The following CRCP variants were observed in gnomAD, a reference collection of about 807,000 sequenced individuals.
CRCP encodes the protein DNA-directed RNA polymerase III subunit RPC9.
A neutral mutation model predicts 18.5 loss-of-function variants in CRCP; 18 were observed. That is an observed-to-expected ratio of 0.97 (90% CI 0.67 to 1.44). The LOEUF is 1.44. Ranked by LOEUF, CRCP falls within the 40% of genes most tolerant of loss-of-function variation. CRCP has a pLI of 0.00. For missense variants in CRCP, 130 were observed against 176.4 expected (o/e 0.74, Z 1.49); for synonymous variants, 53 against 62.9 (o/e 0.84, Z 0.75).
chr7:66,135,146 G>A (rs1787933138), intron 4 of CRCP, among the ~76,000 whole-genome samples: 1 of 152,114 alleles, frequency 6.6e-6, no homozygotes, highest in South Asian at 2.1e-4. Context: ...CTGAGTATCA[G>A]GGCCACTTGG....
intron 3 of CRCP, among the ~76,000 whole-genome samples, chr7:66,133,081 G>T (rs1399040451): frequency 6.6e-6 from 1 of 152,108 alleles, no homozygotes; most frequent in East Asian, 1.9e-4. Flanking sequence ...TTTTGTGGGA[G>T]ATGCTTTGCG....
At chr7:66,137,087 T>A (rs2115976311) in intron 4 of CRCP, among the ~76,000 whole-genome samples, 1 of 151,552 alleles carries the variant, frequency 6.6e-6, no homozygotes, top group South Asian at 2.1e-4. Flanking sequence ...CAAAAAAAAA[T>A]TTAATAATAA....
chr7:66,139,267 C>T lies in CRCP; in HGVS notation c.239+4893C>T, dbSNP rs188101274. Among the ~76,000 whole-genome samples the T allele has an allele frequency of 4.0e-3, 614 of 152,282 alleles. 3 individuals carry two copies. Among genetic ancestry groups the T allele is most frequent in the African/African-American group, 0.014 (575 of 41,544 alleles). ...ATGCACAGATTGTTCTGGCATCTTC[C>T]GTTATCAAGCCTACCAGTGAATTTT... On this transcript the variant is annotated intron_variant, in intron 4 of 5. Coordinates refer to ENST00000395326, the MANE Select transcript of CRCP (RefSeq NM_014478.5).
At chr7:66,124,548 C>T (rs1455479120) in intron 1 of CRCP, among the ~76,000 whole-genome samples, 2 of 144,450 alleles carry the variant, frequency 1.4e-5, no homozygotes, top group Non-Finnish European at 3.0e-5. Flanking sequence ...TCCTTCCTTC[C>T]TTTCTTTCTT....
chr7:66,124,250 C>T (rs1399920779), intron 1 of CRCP, among the ~76,000 whole-genome samples: 1 of 150,226 alleles, frequency 6.7e-6, no homozygotes. Flanking sequence ...GTCCCAGCTG[C>T]TTGGGAGGCT....
At chr7:66,136,896 G>A (rs1422130188) in intron 4 of CRCP, among the ~76,000 whole-genome samples, 2 of 151,552 alleles carry the variant, frequency 1.3e-5, no homozygotes, top group Non-Finnish European at 1.5e-5. Context: ...TGGCCAACAT[G>A]GTGAAACCCC....
chr7:66,137,445 T>C (rs950726896), intron 4 of CRCP, among the ~76,000 whole-genome samples: 7 of 152,234 alleles, frequency 4.6e-5, no homozygotes, highest in Admixed American at 4.6e-4. Context: ...TTCCTTCTTT[T>C]TCTTATTTCA....
rs35791421 is a variant in CRCP, at chr7:66,139,146, G to A, written c.239+4772G>A. The stretch of plus-strand genomic sequence containing the variant: ...TGTCTCTTTTTTTAGTAGAGATAAG[G>A]TTTCACTCTGTTGCCCAAGCTGAAG... On this transcript the variant is annotated intron_variant, in intron 4 of 5. Transcript: ENST00000395326. Among the ~76,000 whole-genome samples, 466 of 152,082 alleles carry A rather than the reference G, an allele frequency of 3.1e-3. 2 individuals carry two copies. Among genetic ancestry groups the A allele is most frequent in the Admixed American group, 6.4e-3 (98 of 15,246 alleles).
At chr7:66,149,018 G>T (rs1490523614) in intron 5 of CRCP, among the ~76,000 whole-genome samples, 1 of 152,208 alleles carries the variant, frequency 6.6e-6, no homozygotes, top group African/African-American at 2.4e-5. Flanking sequence ...ACTTCAAGTT[G>T]CCATTTTTGG....
intron 1 of CRCP, among the ~76,000 whole-genome samples, chr7:66,116,638 G>A (rs946370596): frequency 2.0e-5 from 3 of 152,054 alleles, no homozygotes; most frequent in African/African-American, 7.2e-5. Flanking sequence ...AGCATTTCCT[G>A]TGAGCATACA....
intron 4 of CRCP, 58 bp from the exon 5 acceptor site, chr7:66,145,385 G>C: frequency 1.3e-6 from 2 of 1,563,688 alleles, no homozygotes; most frequent in Non-Finnish European, 1.8e-6. Context: ...GTGCAGCTCA[G>C]TCAGGACTCA....
At chr7:66,147,325 T>G (rs1788327143) in intron 5 of CRCP, among the ~76,000 whole-genome samples, 3 of 135,254 alleles carry the variant, frequency 2.2e-5, no homozygotes, top group African/African-American at 2.9e-5. Flanking sequence ...GGTGACAGAG[T>G]GAGACTCCAT....
intron 4 of CRCP, among the ~76,000 whole-genome samples, chr7:66,143,143 C>T (rs1342915040): frequency 3.9e-5 from 6 of 152,292 alleles, no homozygotes; most frequent in East Asian, 3.9e-4. Context: ...CTGAGGGTGA[C>T]GGGAAGTGTT....
chr7:66,134,150 G>A (rs767499095), intron 3 of CRCP, 130 bp from the exon 4 acceptor site: 22 of 698,470 alleles, frequency 3.1e-5, no homozygotes, highest in Admixed American at 5.3e-5. Context: ...GTGAGCCACC[G>A]TGCCCAGCCT....
chr7:66,139,139 A>G (rs1788060906), intron 4 of CRCP, among the ~76,000 whole-genome samples: 1 of 151,828 alleles, frequency 6.6e-6, no homozygotes. Flanking sequence ...TTTTTAGTAG[A>G]GATAAGGTTT....
At chr7:66,116,022 C>T (rs901384551) in intron 1 of CRCP, among the ~76,000 whole-genome samples, 4 of 152,156 alleles carry the variant, frequency 2.6e-5, no homozygotes, top group African/African-American at 9.7e-5. Context: ...TGGTCTCCAG[C>T]TCCTGAGCTC....
chr7:66,152,524 T>G lies in CRCP; in HGVS notation c.*167T>G. The G allele has an allele frequency of 1.4e-6, 1 of 726,680 alleles. No individual in the cohort carries two copies. The highest frequency in any genetic ancestry group is 2.2e-6 in the Non-Finnish European group (1 of 457,876). The allele number at this position is 726,680 out of a possible 1,614,324, so 45.0% of individuals were successfully genotyped here. A position where few individuals can be genotyped will look rare whatever the true frequency, so the allele number is the denominator to read the frequency against. On this transcript the variant is annotated 3_prime_UTR_variant, in exon 6 of 6. Coordinates refer to ENST00000395326, the MANE Select transcript of CRCP (RefSeq NM_014478.5). ...AAGTTAAAAAGAAATATTTGTGCCT[T>G]GGGGAGAAGAAACATGGTGAAAACA...
intron 4 of CRCP, among the ~76,000 whole-genome samples, chr7:66,138,752 C>T (rs1333638096): frequency 1.3e-5 from 2 of 149,038 alleles, no homozygotes; most frequent in Admixed American, 1.3e-4. Flanking sequence ...CAAGATGCGC[C>T]ACTGCACTCC....
intron 5 of CRCP, among the ~76,000 whole-genome samples, chr7:66,147,158 G>T (rs1270572590): frequency 6.6e-6 from 1 of 152,030 alleles, no homozygotes; most frequent in East Asian, 1.9e-4. Flanking sequence ...CCTGGCTAAA[G>T]TGGTAAAACC....
Sources: gnomAD v4.1 joint callset for allele counts (sites outside exome capture counted in the v4.1 genomes callset) on GRCh38, gnomAD v4.1.1 for gene constraint, MANE v1.5 for transcripts, NCBI Gene and HGNC (gene_info 2026-07-23, HGNC 2026-07-21) for gene names.